FHIT: variants seen among roughly 807,000 people sequenced by gnomAD.
FHIT encodes bis(5'-adenosyl)-triphosphatase.
FHIT carries 19 observed loss-of-function variants against 17.9 expected under a neutral mutation model. That is an observed-to-expected ratio of 1.06 (90% CI 0.74 to 1.56). FHIT has a LOEUF of 1.56. Ranked by LOEUF, FHIT falls within the 40% of genes most tolerant of loss-of-function variation. FHIT has a pLI of 0.00. For missense variants in FHIT, 248 were observed against 189.2 expected (o/e 1.31, Z -1.82); for synonymous variants, 81 against 69.7 (o/e 1.16, Z -0.81).
At chr3:59,984,432 C>T (rs879591489) in intron 7 of FHIT, among the ~76,000 whole-genome samples, 4 of 152,010 alleles carry the variant, frequency 2.6e-5, no homozygotes, top group Non-Finnish European at 5.9e-5. Flanking sequence ...ACATGCTACC[C>T]TCTGAGTTTT....
intron 7 of FHIT, among the ~76,000 whole-genome samples, chr3:59,985,551 A>T (rs968912075): frequency 6.6e-6 from 1 of 152,064 alleles, no homozygotes; most frequent in Non-Finnish European, 1.5e-5. Flanking sequence ...CTAAAAGGTA[A>T]TTTTATCTGT....
chr3:60,076,037 T>G (rs2107007358), intron 5 of FHIT, among the ~76,000 whole-genome samples: 1 of 152,248 alleles, frequency 6.6e-6, no homozygotes, highest in African/African-American at 2.4e-5. Flanking sequence ...AAGTTCCAGG[T>G]AAGTATGATA....
chr3:60,623,998 G>A (rs1208204545), intron 4 of FHIT, among the ~76,000 whole-genome samples: 1 of 152,152 alleles, frequency 6.6e-6, no homozygotes, highest in Non-Finnish European at 1.5e-5. Context: ...GATAATTATG[G>A]CAGAACATGC....
rs187531896 is a variant in FHIT at position 60,878,648 on chromosome 3, C to T, written c.-110-56637G>A. Among the ~76,000 whole-genome samples, 1,264 of 152,046 alleles carry T rather than the reference C, an allele frequency of 8.3e-3. 5 individuals are homozygous for T. Among genetic ancestry groups the T allele is most frequent in the Non-Finnish European group, 0.014 (953 of 67,984 alleles). On this transcript the variant is annotated intron_variant, in intron 3 of 9. Coordinates refer to ENST00000492590, the MANE Select transcript of FHIT (RefSeq NM_002012.4). ...AATGCTATCCCTCCCCCTGCCCCCACCCCACAACAGGCCCCGGTGTGTGAT... is the reference window on the plus strand; with the variant it reads ...AATGCTATCCCTCCCCCTGCCCCCATCCCACAACAGGCCCCGGTGTGTGAT...
At chr3:60,520,363 T>C (rs186270055) in intron 5 of FHIT, among the ~76,000 whole-genome samples, 11 of 152,310 alleles carry the variant, frequency 7.2e-5, no homozygotes, top group Admixed American at 2.0e-4. Flanking sequence ...GTAATTCCTT[T>C]TCTCCATAAC....
intron 5 of FHIT, among the ~76,000 whole-genome samples, chr3:60,115,740 G>A (rs561638307): frequency 6.6e-6 from 1 of 151,928 alleles, no homozygotes; most frequent in East Asian, 1.9e-4. Flanking sequence ...AAGAAATCAG[G>A]TTTTCAATAC....
At chr3:61,165,035 C>T (rs2107109796) in intron 2 of FHIT, among the ~76,000 whole-genome samples, 1 of 152,284 alleles carries the variant, frequency 6.6e-6, no homozygotes, top group South Asian at 2.1e-4. Flanking sequence ...TATATCCAAT[C>T]CACCATTCAT....
chr3:60,524,107 C>A (rs1018465100), intron 5 of FHIT, among the ~76,000 whole-genome samples: 1 of 152,028 alleles, frequency 6.6e-6, no homozygotes, highest in Non-Finnish European at 1.5e-5. Context: ...CTCCTATGAG[C>A]CTGGCCCTGC....
intron 5 of FHIT, among the ~76,000 whole-genome samples, chr3:60,444,854 T>A (rs2611412): frequency 6.3e-4 from 90 of 143,130 alleles, no homozygotes; most frequent in Non-Finnish European, 9.8e-4. Context: ...TAAAAAAAAA[T>A]TTTAAAAAAA....
intron 4 of FHIT, among the ~76,000 whole-genome samples, chr3:60,571,616 C>G (rs1367369755): frequency 6.6e-6 from 1 of 152,006 alleles, no homozygotes; most frequent in African/African-American, 2.4e-5. Flanking sequence ...GGGCATTTCT[C>G]TAAGTGTAGA....
At chr3:60,765,870 C>A (rs537342598) in intron 4 of FHIT, among the ~76,000 whole-genome samples, 1 of 152,290 alleles carries the variant, frequency 6.6e-6, no homozygotes, top group South Asian at 2.1e-4. Context: ...TGGCTGCCTT[C>A]TTTCTCCCAT....
intron 4 of FHIT, among the ~76,000 whole-genome samples, chr3:60,624,899 T>TTTTG (rs782690863): frequency 4.3e-5 from 6 of 140,182 alleles, no homozygotes; most frequent in African/African-American, 1.7e-4. Flanking sequence ...TTTCTAGTTT[T>TTTTG]TTTTTTTGTT....
chr3:60,858,180 T>A (rs1201068449), intron 3 of FHIT, among the ~76,000 whole-genome samples: 1 of 152,138 alleles, frequency 6.6e-6, no homozygotes, highest in East Asian at 1.9e-4. Flanking sequence ...CTAACCAGTA[T>A]GATAGTGCAG....
At chr3:60,539,579 T>C (rs1168196817) in intron 4 of FHIT, among the ~76,000 whole-genome samples, 1 of 152,022 alleles carries the variant, frequency 6.6e-6, no homozygotes, top group African/African-American at 2.4e-5. Context: ...TTAAGGAAAA[T>C]GTAGCACATA....
intron 4 of FHIT, among the ~76,000 whole-genome samples, chr3:60,624,111 A>T (rs1423527068): frequency 6.6e-6 from 1 of 152,222 alleles, no homozygotes; most frequent in African/African-American, 2.4e-5. Flanking sequence ...AGGAGGCCAA[A>T]AGTTAATGAG....
At position 60,114,001 on chromosome 3, in the gene FHIT, CCAAAAAAAAA is replaced by C. The variant is rs1704810258; in HGVS notation, c.104-99859_104-99850del. ...TGGGCAATAGAACAAGACCCCGTCT[CCAAAAAAAAA>C]AAAAAAAAAAAAAAAAAAAAAAAAA... On this transcript the variant is annotated intron_variant, in intron 5 of 9. Coordinates refer to ENST00000492590, the MANE Select transcript of FHIT (RefSeq NM_002012.4). 1.1e-4 allele frequency among the ~76,000 whole-genome samples: 2 copies of C among 17,920 alleles called. 1 individual carries two copies. Among genetic ancestry groups the C allele is most frequent in the Non-Finnish European group, 1.5e-4 (2 of 13,640 alleles). The allele number at this position is 17,920 out of a possible 152,430, so 11.8% of individuals were successfully genotyped here. A position where few individuals can be genotyped will look rare whatever the true frequency, so the allele number is the denominator to read the frequency against.
intron 5 of FHIT, among the ~76,000 whole-genome samples, chr3:60,378,119 T>C (rs1258484579): frequency 6.6e-6 from 1 of 151,772 alleles, no homozygotes; most frequent in African/African-American, 2.4e-5. Flanking sequence ...CTCCACCTCC[T>C]GGGTTCACGC....
At chr3:61,036,824 G>A (rs1014627818) in intron 3 of FHIT, among the ~76,000 whole-genome samples, 3 of 151,858 alleles carry the variant, frequency 2.0e-5, no homozygotes, top group Admixed American at 6.6e-5. Flanking sequence ...TCAATTACCC[G>A]AGAGTTCTGG....
At chr3:60,161,661 T>G (rs929532637) in intron 5 of FHIT, among the ~76,000 whole-genome samples, 1 of 151,768 alleles carries the variant, frequency 6.6e-6, no homozygotes, top group African/African-American at 2.4e-5. Flanking sequence ...GGTAGGTAAC[T>G]CAGGAGGGAC....
Sources: allele counts gnomAD v4.1 joint callset (sites outside exome capture counted in the v4.1 genomes callset), GRCh38; gene constraint gnomAD v4.1.1; transcripts MANE v1.5; gene names NCBI Gene and HGNC (gene_info 2026-07-23, HGNC 2026-07-21).